Variants in GRIA3 observed in about 807,000 individuals in gnomAD.
The protein encoded by GRIA3 is glutamate ionotropic receptor AMPA type subunit 3, also known as glutamate receptor 3.
In GRIA3, 3 loss-of-function variants were observed where a neutral mutation model predicts 63.0. The observed-to-expected ratio is 0.05, with a 90% CI of 0.02 to 0.12. The LOEUF (loss-of-function observed/expected upper bound fraction) is 0.12, where lower values mean the gene tolerates loss of function less well. Ranked by LOEUF, GRIA3 falls within the 10% of genes least tolerant of loss-of-function variation. The pLI is 1.00. For synonymous variants in GRIA3, 274 were observed against 257.9 expected, an observed-to-expected ratio of 1.06 and a Z score of -0.60; for missense variants, 347 against 700.9, an observed-to-expected ratio of 0.50 and a Z score of 5.70.
At chrX:123,367,999 T>C (rs747584026) in intron 5 of GRIA3, among the ~76,000 whole-genome samples, 3 of 112,291 alleles carry the variant, frequency 2.7e-5, no homozygotes, top group Admixed American at 9.4e-5. Context: ...AAAATATCTG[T>C]CTGTGTTCAC....
intron 5 of GRIA3, among the ~76,000 whole-genome samples, chrX:123,387,199 C>T: frequency 9.0e-6 from 1 of 111,440 alleles, no homozygotes; most frequent in Non-Finnish European, 1.9e-5. Context: ...ATTTCAGTAG[C>T]TACTGTAAAT....
chrX:123,316,228 T>G (rs1252914359), intron 3 of GRIA3, among the ~76,000 whole-genome samples: 2 of 111,095 alleles, frequency 1.8e-5, no homozygotes, highest in Non-Finnish European at 3.8e-5. Context: ...TTAACATCAC[T>G]AAAAAGTTGG....
At chrX:123,249,533 T>C (rs1345265907) in intron 2 of GRIA3, among the ~76,000 whole-genome samples, 1 of 111,762 alleles carries the variant, frequency 8.9e-6, no homozygotes, top group Non-Finnish European at 1.9e-5. Context: ...GGCAGTTGTC[T>C]TCCCCATTGG....
At chrX:123,221,548 C>G in intron 2 of GRIA3, among the ~76,000 whole-genome samples, 1 of 111,857 alleles carries the variant, frequency 8.9e-6, no homozygotes, top group Middle Eastern at 4.6e-3. Context: ...TGAGACTATC[C>G]AGGATATTGC....
chrX:123,430,969 G>A (rs190849344), intron 12 of GRIA3, among the ~76,000 whole-genome samples: 4 of 109,920 alleles, frequency 3.6e-5, no homozygotes, highest in Admixed American at 9.7e-5. Flanking sequence ...GCAATAGAGT[G>A]AGACTCTGTC....
chrX:123,360,932 G>A (rs1442470496), intron 5 of GRIA3, among the ~76,000 whole-genome samples: 6 of 92,675 alleles, frequency 6.5e-5, no homozygotes, highest in Admixed American at 5.2e-4. Context: ...CTTATGCTTC[G>A]TCTTCTCTCT....
chrX:123,245,660 G>T (rs2044354330), intron 2 of GRIA3, among the ~76,000 whole-genome samples: 1 of 111,313 alleles, frequency 9.0e-6, no homozygotes. Context: ...ATCAAATGCG[G>T]CTCAGCAATC....
chrX:123,471,779 G>C (rs2045863590), intron 13 of GRIA3, among the ~76,000 whole-genome samples: 2 of 106,142 alleles, frequency 1.9e-5, no homozygotes, highest in Non-Finnish European at 3.9e-5. Context: ...GGAACAGGGT[G>C]GGGGCAAATT....
intron 4 of GRIA3, among the ~76,000 whole-genome samples, chrX:123,349,819 T>C (rs973488877): frequency 3.6e-5 from 4 of 112,398 alleles, no homozygotes; most frequent in African/African-American, 9.7e-5. Context: ...TGACTTCTGG[T>C]ATGTATTTAC....
chrX:123,256,081 T>C (rs923283575), intron 3 of GRIA3, among the ~76,000 whole-genome samples: 2 of 111,473 alleles, frequency 1.8e-5, no homozygotes, highest in Admixed American at 9.5e-5. Context: ...GCCTCAGCAA[T>C]CGTACTTTTA....
At chrX:123,188,768 G>T (rs935775066) in intron 2 of GRIA3, among the ~76,000 whole-genome samples, 60 of 111,684 alleles carry the variant, frequency 5.4e-4, no homozygotes, top group African/African-American at 1.9e-3. Context: ...GATCTTTCCT[G>T]CACCCTCAAT....
At chrX:123,372,438 T>C (rs1369814526) in intron 5 of GRIA3, among the ~76,000 whole-genome samples, 1 of 112,218 alleles carries the variant, frequency 8.9e-6, no homozygotes, top group Non-Finnish European at 1.9e-5. Context: ...ATAAGGATTG[T>C]ATTGAATCTG....
At chrX:123,238,389 CT>C (rs2044312268) in intron 2 of GRIA3, among the ~76,000 whole-genome samples, 1 of 111,192 alleles carries the variant, frequency 9.0e-6, no homozygotes, top group Non-Finnish European at 1.9e-5. Flanking sequence ...GAGATGGGTC[CT>C]CTGCAGGAAG....
At chrX:123,193,121 T>C (rs1304848730) in intron 2 of GRIA3, among the ~76,000 whole-genome samples, 1 of 108,537 alleles carries the variant, frequency 9.2e-6, no homozygotes, top group African/African-American at 3.4e-5. Context: ...AACAAGTCCG[T>C]GTCCATTTCA....
chrX:123,240,449 T>C (rs1379577633), intron 2 of GRIA3, among the ~76,000 whole-genome samples: 8 of 111,945 alleles, frequency 7.1e-5, no homozygotes, highest in Non-Finnish European at 1.9e-5. Context: ...GTGAACTGTT[T>C]TGAGTACACC....
intron 2 of GRIA3, among the ~76,000 whole-genome samples, chrX:123,206,389 C>T (rs1191269019): frequency 2.7e-5 from 3 of 111,841 alleles, no homozygotes; most frequent in South Asian, 3.8e-4. Flanking sequence ...CCATAGTCAC[C>T]GGCTTCTTTC....
At chrX:123,246,403 T>G (rs1468977180) in intron 2 of GRIA3, among the ~76,000 whole-genome samples, 1 of 111,516 alleles carries the variant, frequency 9.0e-6, no homozygotes, top group Non-Finnish European at 1.9e-5. Flanking sequence ...AGGGAGACCC[T>G]GTTTTCTTGT....
At chrX:123,421,653 G>T (rs766978416) in intron 11 of GRIA3, among the ~76,000 whole-genome samples, 1 of 112,091 alleles carries the variant, frequency 8.9e-6, no homozygotes, top group South Asian at 3.7e-4. Context: ...AGGAGAAAAT[G>T]TCAGACATAA....
chrX:123,212,249 G>A (rs1275060064), intron 2 of GRIA3, among the ~76,000 whole-genome samples: 1 of 111,040 alleles, frequency 9.0e-6, no homozygotes, highest in Non-Finnish European at 1.9e-5. Flanking sequence ...TTTCTCAAGT[G>A]AGTAAACATT....
Sources: gnomAD v4.1 joint callset for allele counts (sites outside exome capture counted in the v4.1 genomes callset) on GRCh38, gnomAD v4.1.1 for gene constraint, MANE v1.5 for transcripts, NCBI Gene and HGNC (gene_info 2026-07-23, HGNC 2026-07-21) for gene names.